The following AAK1 variants were observed in gnomAD, a reference collection of about 807,000 sequenced individuals.
AAK1 encodes the protein AP2-associated protein kinase 1.
Under a neutral mutation model 116.0 loss-of-function variants are expected in AAK1, and 37 were observed. The ratio of observed to expected loss-of-function variants is 0.32; its 90% CI spans 0.25 to 0.42. The LOEUF is 0.42. Ranked by LOEUF, AAK1 falls within the 10% of genes least tolerant of loss-of-function variation. The probability of loss-of-function intolerance (pLI) is 1.00; values close to 1 mark genes in which losing one functional copy is unlikely to be tolerated. For synonymous variants in AAK1, 458 were observed against 439.9 expected, an observed-to-expected ratio of 1.04 and a Z score of -0.51; for missense variants, 919 against 1,170.6, an observed-to-expected ratio of 0.79 and a Z score of 3.14.
At chr2:69,613,059 C>G (rs557494490) in intron 2 of AAK1, among the ~76,000 whole-genome samples, 3 of 152,280 alleles carry the variant, frequency 2.0e-5, no homozygotes, top group Non-Finnish European at 2.9e-5. Context: ...TGAGGCCCAT[C>G]ACCTCCCTCA....
At position 69,474,913 on chromosome 2, in the gene AAK1, T is replaced by TA. The variant is rs1674795425; in HGVS notation, c.*955dup. The TA allele has an allele frequency of 2.0e-6, 2 of 985,614 alleles. No individual in the cohort carries two copies. The highest frequency in any genetic ancestry group is 1.2e-6 in the Non-Finnish European group (1 of 829,904). 61.1% of individuals were successfully genotyped at this position (985,614 alleles called of 1,614,324 possible). A position where few individuals can be genotyped will look rare whatever the true frequency, so the allele number is the denominator to read the frequency against. On this transcript the variant is annotated 3_prime_UTR_variant, in exon 22 of 22. Transcript: ENST00000409085. ...ACAATTTACAATATTTGATTCAAAA[T>TA]AAAAATCACAAGAAAAATACATCTG...
At chr2:69,589,565 C>G (rs527479307) in intron 2 of AAK1, among the ~76,000 whole-genome samples, 1 of 151,930 alleles carries the variant, frequency 6.6e-6, no homozygotes, top group Non-Finnish European at 1.5e-5. Flanking sequence ...AAAAATTAGC[C>G]GGGCTTGATG....
chr2:69,620,643 T>G (rs1674570687), intron 2 of AAK1, among the ~76,000 whole-genome samples: 1 of 152,218 alleles, frequency 6.6e-6, no homozygotes, highest in African/African-American at 2.4e-5. Context: ...TGACCCTCTT[T>G]ACTTCCAACT....
chr2:69,505,885 G>C (rs890520243), intron 15 of AAK1, among the ~76,000 whole-genome samples: 4 of 152,214 alleles, frequency 2.6e-5, no homozygotes, highest in African/African-American at 9.7e-5. Context: ...TCAAAAGAGA[G>C]CATGTCATCA....
chr2:69,537,174 C>T (rs1220878761), intron 5 of AAK1, among the ~76,000 whole-genome samples: 1 of 152,214 alleles, frequency 6.6e-6, no homozygotes, highest in African/African-American at 2.4e-5. Context: ...AGATCCACAA[C>T]ACCATGATCT....
At chr2:69,502,848 C>T (rs921403371) in intron 16 of AAK1, among the ~76,000 whole-genome samples, 2 of 151,964 alleles carry the variant, frequency 1.3e-5, no homozygotes, top group Admixed American at 6.5e-5. Flanking sequence ...CTTAGAGAAA[C>T]TGTAAAGGAT....
chr2:69,514,367 A>G (rs1676502464), intron 13 of AAK1, 104 bp downstream of exon 13: 21 of 1,411,316 alleles, frequency 1.5e-5, no homozygotes, highest in Non-Finnish European at 1.9e-5. Context: ...GTGGGAAAGC[A>G]ACCTGGACCC....
intron 18 of AAK1, chr2:69,482,150 G>C (rs1401862735): frequency 6.4e-6 from 1 of 157,360 alleles, no homozygotes; most frequent in Non-Finnish European, 1.4e-5. Context: ...TCAGGAGTTC[G>C]AGACCAGCCT....
At chr2:69,581,641 A>G (rs1672550976) in intron 2 of AAK1, among the ~76,000 whole-genome samples, 1 of 152,184 alleles carries the variant, frequency 6.6e-6, no homozygotes, top group South Asian at 2.1e-4. Flanking sequence ...TTATGATAAC[A>G]GGTTGAAAAT....
In AAK1 at chr2:69,466,642, G is replaced by A; in HGVS notation, c.*9227C>T. 5.5e-6 allele frequency: 6 copies of A among 1,084,126 alleles called. No homozygotes were observed. Among genetic ancestry groups the A allele is most frequent in the South Asian group, 2.5e-5 (1 of 40,188 alleles). 67.2% of individuals were successfully genotyped at this position (1,084,126 alleles called of 1,614,324 possible). A position where few individuals can be genotyped will look rare whatever the true frequency, so the allele number is the denominator to read the frequency against. ...GTCAACCCGCGGCAAAAACATTGTG[G>A]GACCAAATAATAGATGTTGAAAATG... is the stretch of plus-strand genomic sequence containing the variant. On this transcript the variant is annotated 3_prime_UTR_variant, in exon 22 of 22. Transcript: ENST00000409085.
chr2:69,470,181 G>A lies in AAK1; in HGVS notation c.*5688C>T, dbSNP rs535996913. On this transcript the variant is annotated 3_prime_UTR_variant, in exon 22 of 22. Transcript: ENST00000409085. ...TTTACTTTTCCTCATACCAAAAACT[G>A]AAAGAACGGTTACAGGGAGTATCAA... The A allele has an allele frequency of 9.1e-6, 9 of 985,376 alleles. No individual in the cohort carries two copies. The African/African-American group carries it at 1.6e-4, about 17-fold the overall frequency. 61.0% of individuals were successfully genotyped at this position (985,376 alleles called of 1,614,324 possible).
intron 4 of AAK1, among the ~76,000 whole-genome samples, chr2:69,543,134 C>T (rs1388085967): frequency 6.6e-6 from 1 of 152,166 alleles, no homozygotes; most frequent in African/African-American, 2.4e-5. Flanking sequence ...TCACTGCTTA[C>T]TGCTTGGCTT....
At chr2:69,493,312 C>A (rs548814984) in intron 17 of AAK1, among the ~76,000 whole-genome samples, 1 of 151,906 alleles carries the variant, frequency 6.6e-6, no homozygotes, top group African/African-American at 2.4e-5. Context: ...CGTGAAAGGA[C>A]GGGGCTAAAC....
At chr2:69,576,368 A>C (rs969451650) in intron 2 of AAK1, among the ~76,000 whole-genome samples, 1 of 151,824 alleles carries the variant, frequency 6.6e-6, no homozygotes, top group Non-Finnish European at 1.5e-5. Flanking sequence ...GTTTGGGGGT[A>C]CATGTGAAGG....
At chr2:69,632,306 CACAGGTG>C (rs1675221434) in intron 2 of AAK1, among the ~76,000 whole-genome samples, 1 of 152,180 alleles carries the variant, frequency 6.6e-6, no homozygotes, top group South Asian at 2.1e-4. Context: ...AATTTTGCCC[CACAGGTG>C]ACATTTAGCA....
chr2:69,594,410 T>C lies in AAK1; in HGVS notation c.164-37432A>G, dbSNP rs190045949. Among the ~76,000 whole-genome samples the C allele has an allele frequency of 6.2e-4, 95 of 152,346 alleles. 3 individuals carry two copies. The highest frequency in any genetic ancestry group is 5.5e-3 in the Admixed American group (84 of 15,304). ...CAAAATTTGAAGGACAGTCATGTTA[T>C]CGTGAGGATAACTTTGAACTTATTT... On this transcript the variant is annotated intron_variant, in intron 2 of 21. Transcript: ENST00000409085.
chr2:69,489,450 C>CGA (rs1433366972), intron 17 of AAK1, among the ~76,000 whole-genome samples: 2 of 119,368 alleles, frequency 1.7e-5, no homozygotes, highest in Admixed American at 1.7e-4. Context: ...GACTCCGTCT[C>CGA]AAAAAAAAAA....
intron 2 of AAK1, among the ~76,000 whole-genome samples, chr2:69,637,864 C>A (rs1377468213): frequency 6.6e-6 from 1 of 152,162 alleles, no homozygotes; most frequent in Non-Finnish European, 1.5e-5. Flanking sequence ...TCCCCTCATA[C>A]CCTCCCACTC....
intron 16 of AAK1, 54 bp downstream of exon 16, chr2:69,505,515 C>CAGTGTGA: frequency 7.0e-7 from 1 of 1,437,818 alleles, no homozygotes; most frequent in South Asian, 1.2e-5. Flanking sequence ...GAGTAAAAAA[C>CAGTGTGA]AGTGTGAAGG....
Sources: gnomAD v4.1 joint callset for allele counts (sites outside exome capture counted in the v4.1 genomes callset) on GRCh38, gnomAD v4.1.1 for gene constraint, MANE v1.5 for transcripts, NCBI Gene and HGNC (gene_info 2026-07-23, HGNC 2026-07-21) for gene names.